CCN6: variants seen among roughly 807,000 people sequenced by gnomAD.
The protein encoded by CCN6 is CCN family member 6.
In CCN6, 31 loss-of-function variants were observed where a neutral mutation model predicts 37.4. The observed-to-expected ratio is 0.83, with a 90% confidence interval of 0.62 to 1.12. CCN6 has a LOEUF of 1.12. Ranked by LOEUF, CCN6 falls within the 50% of genes most tolerant of loss-of-function variation. CCN6 has a pLI of 0.00. For missense variants in CCN6, 369 were observed against 413.8 expected, an observed-to-expected ratio of 0.89 and a Z score of 0.94; for synonymous variants, 137 against 142.1, an observed-to-expected ratio of 0.96 and a Z score of 0.26.
chr6:112,068,355 G>A lies in CCN6; in HGVS notation c.740G>A (p.Cys247Tyr). Residue 247 changes from cysteine (C) to tyrosine (Y), a missense_variant, in exon 4 of 5, where the codon TGT becomes TAT. Physicochemically the swap from Cys to Tyr is radical, Grantham distance 194. Transcript: ENST00000368666. ...NCEMRKEKRL[C>Y]YIQPCDSNIL... is the part of the protein sequence containing the mutation. ...GAAATGAGAAAAGAGAAAAGACTGT[G>A]TTACATTCAGCCTTGCGACAGCAAT... 1 of 1,612,966 alleles carries A rather than the reference G, an allele frequency of 6.2e-7. No individual in the cohort carries two copies. The highest frequency in any genetic ancestry group is 8.5e-7 in the Non-Finnish European group (1 of 1,179,390).
intron 3 of CCN6, among the ~76,000 whole-genome samples, chr6:112,066,657 T>C (rs1776704928): frequency 6.6e-6 from 1 of 152,240 alleles, no homozygotes; most frequent in Non-Finnish European, 1.5e-5. Flanking sequence ...ACACAGGAAT[T>C]TGGCTTTTAA....
chr6:112,069,475 C>T lies in CCN6; in HGVS notation c.920C>T (p.Pro307Leu), dbSNP rs782131882. 6.2e-7 allele frequency: 1 copy of T among 1,613,684 alleles called. No individual in the cohort carries two copies. Among genetic ancestry groups the T allele is most frequent in the South Asian group, 1.1e-5 (1 of 91,072 alleles). Reference sequence around the variant, plus strand: ...TGCTTGGATAAGAGATGCTGTATCCCTAATAAGTCTAAAATGATTACTATT... The same window carrying T: ...TGCTTGGATAAGAGATGCTGTATCCTTAATAAGTCTAAAATGATTACTATT... The part of the protein sequence containing the change: ...GICLDKRCCI[P>L]NKSKMITIQF... Residue 307 changes from proline (P) to leucine (L), a missense_variant, in exon 5 of 5, where the codon CCT becomes CTT. Transcript: ENST00000368666.
chr6:112,057,510 C>T (rs115169222), intron 1 of CCN6, among the ~76,000 whole-genome samples: 16 of 152,164 alleles, frequency 1.1e-4, no homozygotes, highest in Admixed American at 9.2e-4. Flanking sequence ...GTCACTGAAT[C>T]GTCATAGGAG....
At chr6:112,063,995 G>A (rs1327259197) in intron 2 of CCN6, among the ~76,000 whole-genome samples, 5 of 152,126 alleles carry the variant, frequency 3.3e-5, no homozygotes, top group Non-Finnish European at 7.3e-5. Flanking sequence ...TGCCATCAAG[G>A]ACATTCTTAG....
intron 1 of CCN6, among the ~76,000 whole-genome samples, chr6:112,057,810 C>T (rs1776392042): frequency 6.6e-6 from 1 of 152,018 alleles, no homozygotes; most frequent in Non-Finnish European, 1.5e-5. Flanking sequence ...ACCAATAGGC[C>T]TAAATTTAAG....
Position 112,054,424 on chromosome 6 carries a change from C to T in CCN6, c.48+19C>T, listed in dbSNP as rs1554311401. 1 of 1,611,876 alleles carries T rather than the reference C, an allele frequency of 6.2e-7. No individual in the cohort carries two copies. Among genetic ancestry groups the T allele is most frequent in the South Asian group, 1.1e-5 (1 of 91,042 alleles). ...GGCACAGGTAAGTCCTCTCCCCCGACTCTTTCCCTTCCGGAGGCTATGGCC... is the reference window on the plus strand; with the variant it reads ...GGCACAGGTAAGTCCTCTCCCCCGATTCTTTCCCTTCCGGAGGCTATGGCC... On this transcript the variant is annotated intron_variant, in intron 1 of 4. Coordinates refer to ENST00000368666, the MANE Select transcript of CCN6 (RefSeq NM_198239.2).
intron 1 of CCN6, among the ~76,000 whole-genome samples, chr6:112,058,354 G>A (rs1158316793): frequency 6.6e-6 from 1 of 152,168 alleles, no homozygotes; most frequent in Non-Finnish European, 1.5e-5. Flanking sequence ...TTTTTGAGCT[G>A]CAAATGGACT....
chr6:112,059,905 ACT>A, intron 1 of CCN6: 1 of 1,287,288 alleles, frequency 7.8e-7, no homozygotes, highest in Non-Finnish European at 1.0e-6. Context: ...AAGGTGGTAA[ACT>A]CTACGGTGAA....
Position 112,068,263 on chromosome 6 carries a change from G to T in CCN6, c.648G>T (p.Trp216Cys), listed in dbSNP as rs781860587. 6.2e-7 allele frequency: 1 copy of T among 1,610,772 alleles called. No homozygotes were observed. The highest frequency in any genetic ancestry group is 8.5e-7 in the Non-Finnish European group (1 of 1,179,010). Residue 216 changes from tryptophan (W) to cysteine (C), a missense_variant, in exon 4 of 5, where the codon TGG becomes TGT. Transcript: ENST00000368666. The stretch of plus-strand genomic sequence containing the variant: ...AATGTCTTGTGCAAGCAACAAAATG[G>T]ACTCCCTGCTCCAGAACATGTGGGA... ...KKKCLVQATK[W>C]TPCSRTCGMG...
At chr6:112,053,068 T>C (rs587608217), upstream of CCN6, among the ~76,000 whole-genome samples, 12 of 151,970 alleles carry the variant, frequency 7.9e-5, no homozygotes, top group South Asian at 2.5e-3. Flanking sequence ...TCAAAGGAAA[T>C]AGAAATAGGC....
At chr6:112,066,982 T>A in intron 3 of CCN6, 2 of 1,366,382 alleles carry the variant, frequency 1.5e-6, no homozygotes, top group Non-Finnish European at 2.0e-6. Flanking sequence ...TGTGCCAAGC[T>A]TCTAATCTGC....
chr6:112,066,595 G>C (rs587752540), intron 3 of CCN6, among the ~76,000 whole-genome samples: 1 of 152,216 alleles, frequency 6.6e-6, no homozygotes, highest in South Asian at 2.1e-4. Flanking sequence ...TGAAGTATAC[G>C]TTCAGTCTAA....
chr6:112,059,737 G>C (rs112521035), intron 1 of CCN6, among the ~76,000 whole-genome samples: 155 of 152,300 alleles, frequency 1.0e-3, no homozygotes, highest in African/African-American at 3.5e-3. Context: ...ACCACTGCAC[G>C]CTGTTGCTAT....
chr6:112,069,568 A>T lies in CCN6; in HGVS notation c.1013A>T (p.Gln338Leu), dbSNP rs587640965. The change falls in exon 5 of 5, where the codon CAG (glutamine) becomes CTG (leucine). Residue 338 changes from glutamine to leucine, a missense_variant. Transcript: ENST00000368666. ...KMLWITSCVC[Q>L]RNCREPGDIF... is the part of the protein sequence containing the mutation. ...CTGTGGATTACATCTTGTGTGTGTC[A>T]GAGAAACTGCAGAGAACCTGGAGAT... 36 of 1,613,772 alleles carry T rather than the reference A, an allele frequency of 2.2e-5. No homozygotes were observed. In the South Asian group the frequency reaches 3.7e-4, roughly 17 times the overall value.
chr6:112,055,775 A>C (rs1231781893), intron 1 of CCN6, among the ~76,000 whole-genome samples: 2 of 152,082 alleles, frequency 1.3e-5, no homozygotes, highest in Non-Finnish European at 2.9e-5. Context: ...ATTTTAGTAG[A>C]GATAGGGTTT....
At position 112,060,980 on chromosome 6, in the gene CCN6, A is replaced by G; in HGVS notation, c.49-11A>G. On this transcript the variant is annotated splice_polypyrimidine_tract_variant and intron_variant, in intron 1 of 4. Coordinates refer to ENST00000368666, the MANE Select transcript of CCN6 (RefSeq NM_198239.2). ...AGCTATTTCTAACATCACCTTTATT[A>G]TCAAATGAAGTTCTGCTGCAGGGTA... 6.2e-7 allele frequency: 1 copy of G among 1,613,918 alleles called. No homozygotes were observed. Among genetic ancestry groups the G allele is most frequent in the Non-Finnish European group, 8.5e-7 (1 of 1,180,004 alleles).
chr6:112,061,062 T>G lies in CCN6; in HGVS notation c.120T>G (p.Asp40Glu), dbSNP rs1776502061. ...TPEGRPGEVS[D>E]APQRKQFCHW... ...AAGGAAGGCCTGGAGAAGTGTCAGA[T>G]GCACCTCAGCGTAAACAGTTTTGTC... The change falls in exon 2 of 5, where the codon GAT (aspartate) becomes GAG (glutamate). Residue 40 changes from aspartate to glutamate, a missense_variant. Transcript: ENST00000368666. 1.2e-6 allele frequency: 2 copies of G among 1,614,194 alleles called. No individual in the cohort carries two copies. The highest frequency in any genetic ancestry group is 4.5e-5 in the East Asian group (2 of 44,888).
At chr6:112,061,414 C>A in intron 2 of CCN6, 126 bp downstream of exon 2, 1 of 1,206,716 alleles carries the variant, frequency 8.3e-7, no homozygotes, top group Non-Finnish European at 1.2e-6. Flanking sequence ...AGTTTTCATG[C>A]ACCAGTGGGA....
chr6:112,062,021 G>A (rs756433895), intron 2 of CCN6, among the ~76,000 whole-genome samples: 3 of 152,220 alleles, frequency 2.0e-5, no homozygotes, highest in Non-Finnish European at 2.9e-5. Flanking sequence ...CATGGAATGA[G>A]AGCCTACCTT....
Sources: allele counts gnomAD v4.1 joint callset (sites outside exome capture counted in the v4.1 genomes callset), GRCh38; gene constraint gnomAD v4.1.1; transcripts MANE v1.5; gene names NCBI Gene and HGNC (gene_info 2026-07-23, HGNC 2026-07-21).